MCPH1: variants seen among roughly 807,000 people sequenced by gnomAD.
MCPH1 encodes the protein microcephalin.
Under a neutral mutation model 84.5 loss-of-function variants are expected in MCPH1, and 104 were observed. That is an observed-to-expected ratio of 1.23 (90% confidence interval 1.05 to 1.45). The LOEUF (loss-of-function observed/expected upper bound fraction) is 1.45. MCPH1 is among the 40% of genes most tolerant of loss of function. The pLI is 0.00. For missense variants in MCPH1, 1,498 were observed against 1,005.7 expected, an observed-to-expected ratio of 1.49 and a Z score of -6.62; for synonymous variants, 514 against 366.8, an observed-to-expected ratio of 1.40 and a Z score of -4.58.
intron 12 of MCPH1, chr8:6,514,590 T>C: frequency 8.5e-7 from 1 of 1,170,350 alleles, no homozygotes; most frequent in Non-Finnish European, 1.3e-6. Flanking sequence ...TTGGTTAGTT[T>C]GGGATTGGTG....
chr8:6,493,652 G>A (rs749304483), intron 11 of MCPH1, among the ~76,000 whole-genome samples: 26 of 152,074 alleles, frequency 1.7e-4, no homozygotes, highest in Non-Finnish European at 3.1e-4. Flanking sequence ...TGGTTCAGTG[G>A]GTCTGGGTCT....
intron 3 of MCPH1, among the ~76,000 whole-genome samples, chr8:6,415,810 A>G (rs1001062973): frequency 3.9e-5 from 6 of 152,256 alleles, no homozygotes; most frequent in African/African-American, 1.2e-4. Context: ...TTGCATTTCT[A>G]TATGAATTTT....
At chr8:6,464,386 GT>G (rs1427783479) in intron 9 of MCPH1, among the ~76,000 whole-genome samples, 52 of 152,124 alleles carry the variant, frequency 3.4e-4, no homozygotes, top group Non-Finnish European at 2.9e-5. Context: ...TTAGCACGTT[GT>G]TTTTTTCTTG....
intron 4 of MCPH1, among the ~76,000 whole-genome samples, chr8:6,432,409 G>T (rs950504379): frequency 2.6e-5 from 4 of 152,066 alleles, no homozygotes; most frequent in African/African-American, 9.7e-5. Context: ...GCGACTGGTT[G>T]AATCCATAGA....
chr8:6,575,086 T>G (rs1469801091), intron 12 of MCPH1, among the ~76,000 whole-genome samples: 1 of 152,158 alleles, frequency 6.6e-6, no homozygotes, highest in East Asian at 1.9e-4. Flanking sequence ...GCATGCAGCT[T>G]GCACACATTC....
At chr8:6,491,166 C>G (rs1197445942) in intron 11 of MCPH1, among the ~76,000 whole-genome samples, 2 of 151,402 alleles carry the variant, frequency 1.3e-5, no homozygotes, top group Non-Finnish European at 2.9e-5. Context: ...TTCTTAAAAT[C>G]TCTCCTAGCA....
chr8:6,496,404 C>T (rs898948748), intron 11 of MCPH1, among the ~76,000 whole-genome samples: 1 of 152,206 alleles, frequency 6.6e-6, no homozygotes, highest in Non-Finnish European at 1.5e-5. Context: ...CCACTCACCT[C>T]CTGCTGTGTG....
intron 11 of MCPH1, among the ~76,000 whole-genome samples, chr8:6,491,612 C>G (rs1810600921): frequency 6.6e-6 from 1 of 151,972 alleles, no homozygotes; most frequent in South Asian, 2.1e-4. Flanking sequence ...TCTCCTAATG[C>G]TATCCCTCCC....
At chr8:6,456,158 G>GA (rs1410611704) in intron 9 of MCPH1, among the ~76,000 whole-genome samples, 1 of 151,864 alleles carries the variant, frequency 6.6e-6, no homozygotes, top group Non-Finnish European at 1.5e-5. Flanking sequence ...GTTTGTCTCG[G>GA]AAAAAAAAGT....
intron 3 of MCPH1, 54 bp downstream of exon 3, chr8:6,414,937 G>A: frequency 6.3e-7 from 1 of 1,576,848 alleles, no homozygotes; most frequent in Non-Finnish European, 8.7e-7. Flanking sequence ...TTGAAAATGT[G>A]TGGAGATATT....
At chr8:6,513,972 A>G in intron 12 of MCPH1, 3 of 883,326 alleles carry the variant, frequency 3.4e-6, no homozygotes, top group Non-Finnish European at 5.1e-6. Context: ...TGCTGTGACA[A>G]TTTAGGGTCC....
intron 13 of MCPH1, among the ~76,000 whole-genome samples, chr8:6,639,755 G>A (rs140220893): frequency 2.0e-5 from 3 of 151,764 alleles, no homozygotes; most frequent in Non-Finnish European, 4.4e-5. Context: ...ATTGGAGAAT[G>A]ACATGCTTTT....
At chr8:6,478,868 C>G (rs539011709) in intron 10 of MCPH1, among the ~76,000 whole-genome samples, 14 of 152,244 alleles carry the variant, frequency 9.2e-5, no homozygotes, top group African/African-American at 2.9e-4. Context: ...CTTTTCTACC[C>G]TAAGGATCTC....
intron 12 of MCPH1, among the ~76,000 whole-genome samples, chr8:6,546,216 G>A (rs960689645): frequency 2.0e-5 from 3 of 152,222 alleles, no homozygotes; most frequent in Admixed American, 6.5e-5. Context: ...CTGGGTCCTT[G>A]CAGCAAACAA....
chr8:6,607,320 A>G (rs1829865146), intron 12 of MCPH1, among the ~76,000 whole-genome samples: 1 of 152,226 alleles, frequency 6.6e-6, no homozygotes, highest in Non-Finnish European at 1.5e-5. Context: ...CAGTTTGTCT[A>G]ATCACCTCCT....
At chr8:6,469,504 A>G (rs1807440292) in intron 9 of MCPH1, among the ~76,000 whole-genome samples, 1 of 152,142 alleles carries the variant, frequency 6.6e-6, no homozygotes, top group African/African-American at 2.4e-5. Flanking sequence ...AATTTCCTCT[A>G]TAGTCAAAAT....
chr8:6,411,860 C>G (rs980658720), intron 2 of MCPH1, among the ~76,000 whole-genome samples: 1 of 152,050 alleles, frequency 6.6e-6, no homozygotes, highest in Non-Finnish European at 1.5e-5. Flanking sequence ...AACTTAACCC[C>G]CGTGGATAAG....
chr8:6,566,742 G>A (rs1176069526), intron 12 of MCPH1, among the ~76,000 whole-genome samples: 2 of 143,958 alleles, frequency 1.4e-5, no homozygotes, highest in African/African-American at 2.5e-5. Context: ...GATAGTGCAC[G>A]TGTTGCGGTG....
chr8:6,625,364 C>A, intron 13 of MCPH1: 1 of 985,452 alleles, frequency 1.0e-6, no homozygotes, highest in Non-Finnish European at 1.2e-6. Flanking sequence ...ATCCCTGCCC[C>A]TTCGACAAAG....
Sources: allele counts gnomAD v4.1 joint callset (sites outside exome capture counted in the v4.1 genomes callset), GRCh38; gene constraint gnomAD v4.1.1; transcripts MANE v1.5; gene names NCBI Gene and HGNC (gene_info 2026-07-23, HGNC 2026-07-21).